The following SNX29 variants were observed in gnomAD, a reference collection of about 807,000 sequenced individuals.
SNX29 encodes sorting nexin-29.
A neutral mutation model predicts 102.1 loss-of-function variants in SNX29; 78 were observed. That is an observed-to-expected ratio of 0.76 (90% confidence interval 0.64 to 0.92). The LOEUF is 0.92. SNX29 is among the 40% of genes least tolerant of loss of function. The pLI, the probability that SNX29 is intolerant of heterozygous loss-of-function variation, is 0.00. For synonymous variants in SNX29, 580 were observed against 414.5 expected, an observed-to-expected ratio of 1.40 and a Z score of -4.85; for missense variants, 1,280 against 1,061.7, an observed-to-expected ratio of 1.21 and a Z score of -2.86.
At chr16:12,158,121 C>A (rs1015629636) in intron 13 of SNX29, among the ~76,000 whole-genome samples, 1 of 152,076 alleles carries the variant, frequency 6.6e-6, no homozygotes, top group Non-Finnish European at 1.5e-5. Flanking sequence ...CTCTGTTGCC[C>A]AGGCTTGATT....
intron 15 of SNX29, among the ~76,000 whole-genome samples, chr16:12,347,002 C>T (rs1300181220): frequency 6.6e-6 from 1 of 152,164 alleles, no homozygotes; most frequent in Non-Finnish European, 1.5e-5. Flanking sequence ...CAGAGGCGTC[C>T]CCTTACTAAC....
At chr16:11,985,253 A>G (rs2055570892) in intron 1 of SNX29, among the ~76,000 whole-genome samples, 2 of 152,124 alleles carry the variant, frequency 1.3e-5, no homozygotes, top group South Asian at 2.1e-4. Context: ...CAAACATTGG[A>G]TGATAGTTTG....
At chr16:12,398,534 T>G in intron 17 of SNX29, 33 bp downstream of exon 17, 1 of 1,612,758 alleles carries the variant, frequency 6.2e-7, no homozygotes, top group African/African-American at 1.3e-5. Flanking sequence ...CAAGGGGTCC[T>G]TTAGAAACTG....
chr16:12,563,483 T>A (rs961511930), intron 20 of SNX29, among the ~76,000 whole-genome samples: 2 of 152,172 alleles, frequency 1.3e-5, no homozygotes, highest in Non-Finnish European at 2.9e-5. Context: ...GCTCAAGGAA[T>A]AGGGCTATTA....
intron 10 of SNX29, among the ~76,000 whole-genome samples, chr16:12,072,653 G>T (rs1295674690): frequency 6.6e-6 from 1 of 151,300 alleles, no homozygotes; most frequent in African/African-American, 2.5e-5. Context: ...TCTCTGCCCG[G>T]CTTTGGTATC....
At chr16:12,492,357 GC>G (rs2088594405) in intron 19 of SNX29, among the ~76,000 whole-genome samples, 1 of 152,010 alleles carries the variant, frequency 6.6e-6, no homozygotes, top group African/African-American at 2.4e-5. Flanking sequence ...CATATCCTTC[GC>G]CCACTTTTTG....
At chr16:12,392,601 T>C (rs2083568027) in intron 16 of SNX29, among the ~76,000 whole-genome samples, 1 of 152,178 alleles carries the variant, frequency 6.6e-6, no homozygotes, top group South Asian at 2.1e-4. Context: ...AACAAATGTG[T>C]CAAAAACTGA....
intron 14 of SNX29, among the ~76,000 whole-genome samples, chr16:12,257,336 G>T (rs1467011042): frequency 2.0e-5 from 3 of 152,104 alleles, no homozygotes; most frequent in Non-Finnish European, 4.4e-5. Flanking sequence ...GCTTTTAAGG[G>T]CTCACGTCAT....
intron 11 of SNX29, among the ~76,000 whole-genome samples, chr16:12,107,937 T>C (rs116200413): frequency 0.016 from 2,431 of 152,236 alleles, 75 homozygotes; most frequent in African/African-American, 0.056. Flanking sequence ...TGAATTAGGC[T>C]GTGAGCTTTT....
At chr16:12,456,209 C>T (rs2086531157) in intron 18 of SNX29, among the ~76,000 whole-genome samples, 1 of 152,252 alleles carries the variant, frequency 6.6e-6, no homozygotes, top group Non-Finnish European at 1.5e-5. Flanking sequence ...AGAATAAAAT[C>T]TTAAAATGTG....
chr16:12,225,611 G>A (rs145949480), intron 14 of SNX29, among the ~76,000 whole-genome samples: 5,566 of 152,260 alleles, frequency 0.037, 368 homozygotes, highest in African/African-American at 0.13. Context: ...CCAGTCTTGG[G>A]TATGTCTTTA....
intron 11 of SNX29, among the ~76,000 whole-genome samples, chr16:12,106,839 C>T (rs573198085): frequency 2.0e-5 from 3 of 149,022 alleles, no homozygotes; most frequent in Admixed American, 6.7e-5. Context: ...TTTTTGAGAC[C>T]GGGTCTCACT....
At chr16:12,564,318 GTC>G (rs1387559638) in intron 20 of SNX29, among the ~76,000 whole-genome samples, 1 of 152,178 alleles carries the variant, frequency 6.6e-6, no homozygotes, top group African/African-American at 2.4e-5. Flanking sequence ...CTTCACTAGT[GTC>G]TCTTACCTTA....
intron 15 of SNX29, among the ~76,000 whole-genome samples, chr16:12,334,500 A>G (rs572389175): frequency 2.6e-5 from 4 of 152,308 alleles, no homozygotes; most frequent in Non-Finnish European, 5.9e-5. Context: ...AAACAGGGAC[A>G]CAGGGATGCT....
chr16:12,451,878 A>G (rs1351336640), intron 18 of SNX29, among the ~76,000 whole-genome samples: 2 of 152,108 alleles, frequency 1.3e-5, no homozygotes, highest in Admixed American at 6.5e-5. Context: ...TAAATAAACA[A>G]ACAGATGGTT....
At position 12,571,804 on chromosome 16, in the gene SNX29, G is replaced by C. The variant is rs1436424780; in HGVS notation, c.*3175G>C. On this transcript the variant is annotated 3_prime_UTR_variant, in exon 21 of 21. Transcript: ENST00000566228. ...CCGCCACTCTTCCTGCAATCAGTGT[G>C]AAATTCCAGCTTCTTTGATTCCCAC... is the stretch of plus-strand genomic sequence containing the variant. 1.9e-6 allele frequency: 2 copies of C among 1,027,984 alleles called. No homozygotes were observed. Among genetic ancestry groups the C allele is most frequent in the East Asian group, 5.2e-5 (1 of 19,412 alleles). The allele number at this position is 1,027,984 out of a possible 1,614,324, so 63.7% of individuals were successfully genotyped here. A position where few individuals can be genotyped will look rare whatever the true frequency, so the allele number is the denominator to read the frequency against.
At chr16:12,489,493 A>G (rs1014234988) in intron 19 of SNX29, among the ~76,000 whole-genome samples, 2 of 152,086 alleles carry the variant, frequency 1.3e-5, no homozygotes, top group Non-Finnish European at 2.9e-5. Context: ...CCCCTCCCAC[A>G]CTGGCTGTGT....
intron 11 of SNX29, chr16:12,095,135 G>C (rs886564261): frequency 6.6e-6 from 1 of 152,168 alleles, no homozygotes; most frequent in African/African-American, 2.4e-5. Context: ...CACTGCTGCG[G>C]AAACCAGCTC....
At chr16:11,990,934 G>C (rs1276315382) in intron 1 of SNX29, among the ~76,000 whole-genome samples, 1 of 152,236 alleles carries the variant, frequency 6.6e-6, no homozygotes, top group African/African-American at 2.4e-5. Context: ...CCCAAGACCT[G>C]TTCGTTACAT....
Sources: gnomAD v4.1 joint callset for allele counts (sites outside exome capture counted in the v4.1 genomes callset) on GRCh38, gnomAD v4.1.1 for gene constraint, MANE v1.5 for transcripts, NCBI Gene and HGNC (gene_info 2026-07-23, HGNC 2026-07-21) for gene names.